The following THADA variants were observed in gnomAD, a reference collection of about 807,000 sequenced individuals.
The protein encoded by THADA is THADA armadillo repeat containing.
Under a neutral mutation model 219.8 loss-of-function variants are expected in THADA, and 213 were observed. The observed-to-expected ratio is 0.97, with a 90% CI of 0.87 to 1.09. The LOEUF (loss-of-function observed/expected upper bound fraction) is 1.09. Among genes scored for constraint, THADA ranks in the 50% least tolerant of loss-of-function variants. The pLI is 0.00. For synonymous variants in THADA, 1,018 were observed against 828.9 expected, an observed-to-expected ratio of 1.23 and a Z score of -3.92; for missense variants, 2,956 against 2,311.3, an observed-to-expected ratio of 1.28 and a Z score of -5.72.
At chr2:43,594,880 T>C (rs888768519) in intron 1 of THADA, among the ~76,000 whole-genome samples, 1 of 152,216 alleles carries the variant, frequency 6.6e-6, no homozygotes, top group African/African-American at 2.4e-5. Flanking sequence ...CTATCTAAAA[T>C]CTCACCAATA....
chr2:43,311,366 A>G (rs1490764652), intron 31 of THADA, among the ~76,000 whole-genome samples: 3 of 152,198 alleles, frequency 2.0e-5, no homozygotes, highest in African/African-American at 4.8e-5. Flanking sequence ...GATGGACAGT[A>G]AGAGTTGGTA....
At chr2:43,554,348 T>A (rs993234393) in intron 17 of THADA, among the ~76,000 whole-genome samples, 2 of 152,202 alleles carry the variant, frequency 1.3e-5, no homozygotes, top group African/African-American at 4.8e-5. Flanking sequence ...TATACCAGTA[T>A]AACAGACATC....
chr2:43,293,062 C>T lies in THADA; in HGVS notation c.4590G>A (p.Ala1530=), dbSNP rs780421728. The T allele has an allele frequency of 1.2e-4, 191 of 1,613,822 alleles. No homozygotes were observed. Among genetic ancestry groups the T allele is most frequent in the Non-Finnish European group, 1.4e-4 (167 of 1,179,908 alleles). ...TRLAIAAVWA[A]AAKSGERETN... is the part of the protein sequence containing the mutation. The stretch of plus-strand genomic sequence containing the variant: ...TCTCCCGCTCTCCACTCTTGGCTGC[C>T]GCGGCCCACACTGCAGCAATGGCTA... Residue 1530 remains alanine, a synonymous_variant, in exon 32 of 38, where the codon GCG becomes GCA. Coordinates refer to ENST00000405975, the MANE Select transcript of THADA (RefSeq NM_022065.5).
At chr2:43,255,740 A>G (rs1670239728) in intron 36 of THADA, among the ~76,000 whole-genome samples, 2 of 152,210 alleles carry the variant, frequency 1.3e-5, no homozygotes, top group Non-Finnish European at 2.9e-5. Flanking sequence ...CTCACTCATT[A>G]TCGGGTTTCC....
chr2:43,427,503 TTGTG>T (rs70963397), intron 28 of THADA, among the ~76,000 whole-genome samples: 36 of 140,630 alleles, frequency 2.6e-4, no homozygotes, highest in African/African-American at 7.2e-4. Context: ...CTCCCAAAGT[TTGTG>T]TGTGTGTGTG....
chr2:43,336,972 T>C (rs1666528230), intron 30 of THADA, among the ~76,000 whole-genome samples: 1 of 152,198 alleles, frequency 6.6e-6, no homozygotes, highest in Admixed American at 6.5e-5. Context: ...TTGAGCCTGG[T>C]GGTGCCAGAT....
intron 7 of THADA, among the ~76,000 whole-genome samples, chr2:43,584,438 G>A (rs866271512): frequency 1.3e-5 from 2 of 152,102 alleles, no homozygotes; most frequent in South Asian, 4.1e-4. Flanking sequence ...ACCTTTACAC[G>A]ATGAGCATAA....
chr2:43,248,061 CA>C (rs895801545), intron 36 of THADA, among the ~76,000 whole-genome samples: 9 of 138,036 alleles, frequency 6.5e-5, no homozygotes, highest in South Asian at 2.3e-4. Context: ...ACAAAACAAA[CA>C]AAAAAAAAGT....
intron 29 of THADA, among the ~76,000 whole-genome samples, chr2:43,344,704 C>G (rs969892782): frequency 1.3e-5 from 2 of 151,606 alleles, no homozygotes; most frequent in South Asian, 2.1e-4. Context: ...AGAAGTAGGT[C>G]AAACTAATTC....
At chr2:43,401,324 G>A (rs1674806492) in intron 28 of THADA, among the ~76,000 whole-genome samples, 1 of 152,152 alleles carries the variant, frequency 6.6e-6, no homozygotes, top group Admixed American at 6.5e-5. Context: ...TGTCACCCAG[G>A]CTGGAGTGCA....
At chr2:43,499,088 T>C (rs1688615806) in intron 24 of THADA, 133 bp from the exon 25 acceptor site, 4 of 968,784 alleles carry the variant, frequency 4.1e-6, no homozygotes, top group South Asian at 4.2e-5. Context: ...GCAAATGAAA[T>C]AGCAGATTTA....
intron 16 of THADA, among the ~76,000 whole-genome samples, chr2:43,557,095 A>C (rs564841180): frequency 2.9e-4 from 44 of 152,264 alleles, no homozygotes; most frequent in East Asian, 9.7e-4. Context: ...TTAAAAGAAA[A>C]AAAACAAAAC....
At chr2:43,471,257 G>C (rs1477482870) in intron 26 of THADA, among the ~76,000 whole-genome samples, 1 of 152,164 alleles carries the variant, frequency 6.6e-6, no homozygotes, top group East Asian at 1.9e-4. Context: ...TGGGCATGGT[G>C]GCTCACATCT....
intron 26 of THADA, among the ~76,000 whole-genome samples, chr2:43,471,172 C>T (rs1474121988): frequency 6.6e-6 from 1 of 152,154 alleles, no homozygotes; most frequent in African/African-American, 2.4e-5. Flanking sequence ...TACTCATTTA[C>T]TGTCACCCCC....
chr2:43,330,019 G>A (rs1679776769), intron 30 of THADA, among the ~76,000 whole-genome samples: 1 of 152,152 alleles, frequency 6.6e-6, no homozygotes, highest in African/African-American at 2.4e-5. Context: ...CCACTTTACA[G>A]ATGAAAACTC....
chr2:43,520,980 GAAGGGAGGAAAGGGAGGA>G (rs201830534), intron 22 of THADA, among the ~76,000 whole-genome samples: 2 of 94,330 alleles, frequency 2.1e-5, no homozygotes, highest in African/African-American at 4.9e-5. Context: ...AGGGAGGGAG[GAAGGGAGGAAAGGGAGGA>G]AAGGGAGGGA....
intron 26 of THADA, among the ~76,000 whole-genome samples, chr2:43,479,588 A>T (rs1183126883): frequency 1.3e-5 from 2 of 151,958 alleles, no homozygotes; most frequent in East Asian, 1.9e-4. Flanking sequence ...ATTATCAAAC[A>T]TAAGAGTTTT....
intron 34 of THADA, among the ~76,000 whole-genome samples, chr2:43,288,000 T>G (rs952575424): frequency 6.6e-6 from 1 of 152,200 alleles, no homozygotes; most frequent in Non-Finnish European, 1.5e-5. Context: ...AGAAACTATG[T>G]GTTTAGGACA....
chr2:43,556,319 T>C, intron 17 of THADA, 26 bp downstream of exon 17: 1 of 1,609,416 alleles, frequency 6.2e-7, no homozygotes. Flanking sequence ...CTATTCGTTT[T>C]GATAAGAGCA....
Sources: allele counts gnomAD v4.1 joint callset (sites outside exome capture counted in the v4.1 genomes callset), GRCh38; gene constraint gnomAD v4.1.1; transcripts MANE v1.5; gene names NCBI Gene and HGNC (gene_info 2026-07-23, HGNC 2026-07-21).